Variants in RSU1 observed in about 807,000 individuals in gnomAD.
RSU1 encodes Ras suppressor protein 1.
Under a neutral mutation model 31.1 loss-of-function variants are expected in RSU1, and 26 were observed. That is an observed-to-expected ratio of 0.84 (90% confidence interval 0.61 to 1.16). The LOEUF (loss-of-function observed/expected upper bound fraction) is 1.16. Ranked by LOEUF, RSU1 falls within the 50% of genes most tolerant of loss-of-function variation. RSU1 has a pLI of 0.00. For synonymous variants in RSU1, 164 were observed against 136.3 expected (o/e 1.20, Z -1.41); for missense variants, 320 against 339.1 (o/e 0.94, Z 0.44).
intron 8 of RSU1, among the ~76,000 whole-genome samples, chr10:16,639,855 A>G (rs1351074887): frequency 6.6e-6 from 1 of 152,256 alleles, no homozygotes; most frequent in Non-Finnish European, 1.5e-5. Flanking sequence ...CATTTGGTTT[A>G]GCACCTAGAA....
At chr10:16,703,276 A>C (rs1173950075) in intron 7 of RSU1, among the ~76,000 whole-genome samples, 2 of 152,190 alleles carry the variant, frequency 1.3e-5, no homozygotes, top group Non-Finnish European at 2.9e-5. Flanking sequence ...GCGAGAACAG[A>C]CTAATACAGC....
intron 3 of RSU1, among the ~76,000 whole-genome samples, chr10:16,778,502 G>A (rs540912973): frequency 1.3e-5 from 2 of 152,246 alleles, no homozygotes; most frequent in East Asian, 3.9e-4. Context: ...AATATGAAAT[G>A]ATCCATGCTT....
intron 8 of RSU1, among the ~76,000 whole-genome samples, chr10:16,635,180 A>G (rs1195343242): frequency 6.6e-6 from 1 of 152,212 alleles, no homozygotes; most frequent in Non-Finnish European, 1.5e-5. Context: ...GCAATGGAAT[A>G]TTGGCTGCTT....
chr10:16,618,271 A>G (rs1834012687), intron 8 of RSU1, among the ~76,000 whole-genome samples: 2 of 152,236 alleles, frequency 1.3e-5, no homozygotes, highest in South Asian at 4.1e-4. Flanking sequence ...CAAAACCACA[A>G]TGAGATACCA....
chr10:16,770,452 C>T (rs1039440979), intron 3 of RSU1, among the ~76,000 whole-genome samples: 2 of 152,184 alleles, frequency 1.3e-5, no homozygotes, highest in African/African-American at 4.8e-5. Context: ...TGGCGCTTTC[C>T]CTCCGCAGCA....
chr10:16,671,755 A>G (rs909378997), intron 8 of RSU1, among the ~76,000 whole-genome samples: 3 of 151,884 alleles, frequency 2.0e-5, no homozygotes, highest in African/African-American at 4.8e-5. Flanking sequence ...CCTCCCAAGC[A>G]GCTGGGGCTA....
chr10:16,764,163 C>T (rs915003837), intron 4 of RSU1, among the ~76,000 whole-genome samples: 3 of 152,120 alleles, frequency 2.0e-5, no homozygotes, highest in Non-Finnish European at 2.9e-5. Context: ...ATTTAACTTC[C>T]TTATTGCGCC....
intron 8 of RSU1, among the ~76,000 whole-genome samples, chr10:16,610,264 A>C (rs1271884964): frequency 6.6e-6 from 1 of 152,220 alleles, no homozygotes; most frequent in Non-Finnish European, 1.5e-5. Flanking sequence ...GTTGGTGGCT[A>C]TGCTACTGCA....
At chr10:16,685,345 A>G (rs919676230) in intron 8 of RSU1, among the ~76,000 whole-genome samples, 1 of 152,218 alleles carries the variant, frequency 6.6e-6, no homozygotes, top group Non-Finnish European at 1.5e-5. Flanking sequence ...TGGATCTCAC[A>G]CAAGAAAGAA....
intron 7 of RSU1, among the ~76,000 whole-genome samples, chr10:16,719,272 C>T (rs1836206959): frequency 6.6e-6 from 1 of 152,180 alleles, no homozygotes; most frequent in Non-Finnish European, 1.5e-5. Flanking sequence ...CGCACCACTG[C>T]ACTCCAGCCT....
intron 2 of RSU1, among the ~76,000 whole-genome samples, chr10:16,785,427 CAT>C (rs371719149): frequency 0.026 from 2,321 of 90,502 alleles, 142 homozygotes; most frequent in African/African-American, 0.088. Context: ...TACATATATA[CAT>C]ATATATATAT....
At chr10:16,675,263 T>C (rs1835207109) in intron 8 of RSU1, among the ~76,000 whole-genome samples, 1 of 151,522 alleles carries the variant, frequency 6.6e-6, no homozygotes, top group South Asian at 2.1e-4. Flanking sequence ...AGACAAACAT[T>C]AGTGCCCAAG....
chr10:16,719,062 G>C (rs1836202525), intron 7 of RSU1, among the ~76,000 whole-genome samples: 1 of 151,658 alleles, frequency 6.6e-6, no homozygotes, highest in Non-Finnish European at 1.5e-5. Context: ...GCTAAGGCAG[G>C]AGGATTGCTT....
At chr10:16,805,043 A>T (rs1014880261) in intron 2 of RSU1, among the ~76,000 whole-genome samples, 7 of 151,632 alleles carry the variant, frequency 4.6e-5, no homozygotes, top group African/African-American at 1.2e-4. Context: ...ACTAAAAATT[A>T]AAAAAAAATT....
intron 8 of RSU1, among the ~76,000 whole-genome samples, chr10:16,594,867 C>G (rs1833585395): frequency 6.7e-6 from 1 of 150,360 alleles, no homozygotes; most frequent in South Asian, 2.1e-4. Context: ...TCACTGCAAC[C>G]TCTGCCTCCC....
intron 7 of RSU1, chr10:16,723,321 C>A (rs1836321344): frequency 6.6e-6 from 1 of 152,130 alleles, no homozygotes; most frequent in South Asian, 2.1e-4. Flanking sequence ...GTTGCTGTCA[C>A]TTTAAATCTT....
intron 2 of RSU1, among the ~76,000 whole-genome samples, chr10:16,792,098 T>C (rs1452583895): frequency 2.0e-5 from 3 of 152,166 alleles, no homozygotes; most frequent in African/African-American, 4.8e-5. Context: ...TGGGTGAGCA[T>C]TGGCCATCTT....
intron 7 of RSU1, among the ~76,000 whole-genome samples, chr10:16,715,891 T>C (rs1021369571): frequency 1.3e-5 from 2 of 152,234 alleles, no homozygotes; most frequent in African/African-American, 2.4e-5. Context: ...TTGCTTTAGA[T>C]AGTGTGATAT....
chr10:16,664,357 T>C (rs1417597375), intron 8 of RSU1, among the ~76,000 whole-genome samples: 1 of 152,176 alleles, frequency 6.6e-6, no homozygotes, highest in Non-Finnish European at 1.5e-5. Context: ...ACTTTCTGTG[T>C]GACTCTTAGG....
Sources: allele counts gnomAD v4.1 joint callset (sites outside exome capture counted in the v4.1 genomes callset), GRCh38; gene constraint gnomAD v4.1.1; transcripts MANE v1.5; gene names NCBI Gene and HGNC (gene_info 2026-07-23, HGNC 2026-07-21).